Variants in NRG1 observed in about 807,000 individuals in gnomAD.
The protein encoded by NRG1 is neuregulin 1.
In NRG1, 18 loss-of-function variants were observed where a neutral mutation model predicts 63.8. The ratio of observed to expected loss-of-function variants is 0.28; its 90% CI spans 0.19 to 0.42. The LOEUF is 0.42. Ranked by LOEUF, NRG1 falls within the 10% of genes least tolerant of loss-of-function variation. NRG1 has a pLI of 1.00. For missense variants in NRG1, 762 were observed against 814.7 expected (o/e 0.94, Z 0.79); for synonymous variants, 302 against 301.3 (o/e 1.00, Z -0.02).
intron 1 of NRG1, among the ~76,000 whole-genome samples, chr8:31,668,477 C>T (rs919347341): frequency 6.6e-6 from 1 of 152,162 alleles, no homozygotes; most frequent in Non-Finnish European, 1.5e-5. Context: ...TCAAAATGGA[C>T]AGTGTACAAA....
At chr8:32,429,854 A>G (rs1318444341) in intron 1 of NRG1, among the ~76,000 whole-genome samples, 1 of 152,178 alleles carries the variant, frequency 6.6e-6, no homozygotes, top group Non-Finnish European at 1.5e-5. Flanking sequence ...ACTGATAACC[A>G]TGTACATTTT....
chr8:32,331,795 A>G (rs1267859904), intron 1 of NRG1, among the ~76,000 whole-genome samples: 1 of 152,060 alleles, frequency 6.6e-6, no homozygotes, highest in African/African-American at 2.4e-5. Flanking sequence ...CTACAGGGGG[A>G]AGCATGATGA....
chr8:31,648,334 G>A (rs1050423226), intron 1 of NRG1, among the ~76,000 whole-genome samples: 8 of 151,780 alleles, frequency 5.3e-5, no homozygotes, highest in South Asian at 2.1e-4. Flanking sequence ...GGGTTTCACC[G>A]TGTTAGCCAG....
At chr8:32,747,471 G>T (rs1827664037) in intron 7 of NRG1, among the ~76,000 whole-genome samples, 1 of 151,984 alleles carries the variant, frequency 6.6e-6, no homozygotes, top group Non-Finnish European at 1.5e-5. Flanking sequence ...GAAAAAAAAT[G>T]ACCAATTTTT....
Position 32,205,996 on chromosome 8 carries a change from A to T in NRG1, c.38-389832A>T, listed in dbSNP as rs559099974. Among the ~76,000 whole-genome samples, 13 of 152,066 alleles carry T rather than the reference A, an allele frequency of 8.5e-5. No individual in the cohort carries two copies. In the South Asian group the frequency reaches 2.7e-3, roughly 32 times the overall value. ...GGTGATGGATGTCTGTTGTCCAGCTAGTCAGGAGGCTGAGGTGGGAGAATC... is the reference window on the plus strand; with the variant it reads ...GGTGATGGATGTCTGTTGTCCAGCTTGTCAGGAGGCTGAGGTGGGAGAATC... On this transcript the variant is annotated intron_variant, in intron 1 of 10. Coordinates refer to the NRG1 transcript ENST00000519301.
At chr8:32,525,216 C>T (rs935890149) in intron 1 of NRG1, among the ~76,000 whole-genome samples, 34 of 152,220 alleles carry the variant, frequency 2.2e-4, no homozygotes, top group African/African-American at 7.9e-4. Flanking sequence ...GTCCGGTGCC[C>T]ATGAAAAAGA....
chr8:31,934,186 G>T (rs1022741406), intron 1 of NRG1, among the ~76,000 whole-genome samples: 1 of 152,012 alleles, frequency 6.6e-6, no homozygotes, highest in African/African-American at 2.4e-5. Flanking sequence ...AAACTTTTTT[G>T]ATGTATATGT....
At chr8:31,787,709 G>A (rs921452417) in intron 1 of NRG1, among the ~76,000 whole-genome samples, 4 of 152,138 alleles carry the variant, frequency 2.6e-5, no homozygotes, top group African/African-American at 4.8e-5. Context: ...CTGAATGCAT[G>A]TTTGGCAAAT....
rs1180283770 is a variant in NRG1, at chr8:31,952,263, T to A, written c.37+312832T>A. Among the ~76,000 whole-genome samples the A allele has an allele frequency of 2.0e-5, 3 of 152,330 alleles. No homozygotes were observed. The East Asian group carries it at 5.8e-4, about 29-fold the overall frequency. On this transcript the variant is annotated intron_variant, in intron 1 of 10. Coordinates refer to the NRG1 transcript ENST00000519301. ...CTTTTCTGAAATGATGAAGGTGCCA[T>A]GGGGACAGATGGGCGTGTAAAGAAC...
At chr8:32,540,058 A>T (rs1832420174) in intron 1 of NRG1, among the ~76,000 whole-genome samples, 1 of 152,208 alleles carries the variant, frequency 6.6e-6, no homozygotes, top group South Asian at 2.1e-4. Context: ...AAGTAAAGGA[A>T]GGGTCAAAAG....
chr8:31,640,231 A>C lies in NRG1; in HGVS notation c.37+800A>C. The C allele has an allele frequency of 3.5e-6, 4 of 1,156,786 alleles. No homozygotes were observed. The highest frequency in any genetic ancestry group is 3.2e-6 in the Non-Finnish European group (3 of 939,736). 71.7% of individuals were successfully genotyped at this position (1,156,786 alleles called of 1,614,324 possible). ...GCTAGCTCAGCGCGCCGCGGTGGTG[A>C]TCGAGGGAAAGGTGCACCCGCAGCG... is the stretch of plus-strand genomic sequence containing the variant. On this transcript the variant is annotated intron_variant, in intron 1 of 10. Coordinates refer to the NRG1 transcript ENST00000519301. This position sits in a 1 kb window ranked among gnomAD's most constrained non-coding sequence, Gnocchi z 6.3.
At chr8:32,620,031 C>T (rs1848060063) in intron 5 of NRG1, among the ~76,000 whole-genome samples, 1 of 152,086 alleles carries the variant, frequency 6.6e-6, no homozygotes. Flanking sequence ...CAGGGAACGA[C>T]TGTGAGGTAC....
intron 5 of NRG1, among the ~76,000 whole-genome samples, chr8:32,667,047 C>T (rs1392479673): frequency 6.6e-6 from 1 of 152,144 alleles, no homozygotes; most frequent in Admixed American, 6.6e-5. Flanking sequence ...ACCATTTCAT[C>T]GCTGTACGAA....
chr8:32,605,044 C>A (rs1845034433), intron 2 of NRG1, among the ~76,000 whole-genome samples: 2 of 152,066 alleles, frequency 1.3e-5, no homozygotes, highest in South Asian at 4.1e-4. Flanking sequence ...ATTGATAAAT[C>A]CTCTTAATTC....
intron 1 of NRG1, among the ~76,000 whole-genome samples, chr8:31,741,457 A>T (rs1815262141): frequency 6.7e-6 from 1 of 148,978 alleles, no homozygotes; most frequent in African/African-American, 2.4e-5. Flanking sequence ...AGGCCGCAAA[A>T]AAAGAAATAT....
chr8:31,648,782 CATTTT>C (rs1042910802), intron 1 of NRG1, among the ~76,000 whole-genome samples: 10 of 152,120 alleles, frequency 6.6e-5, no homozygotes, highest in Admixed American at 2.0e-4. Flanking sequence ...GTAAATAACA[CATTTT>C]GTTTATTCAT....
At chr8:32,222,042 C>T (rs961519800) in intron 1 of NRG1, among the ~76,000 whole-genome samples, 48 of 145,838 alleles carry the variant, frequency 3.3e-4, no homozygotes, top group African/African-American at 6.4e-4. Flanking sequence ...CATACACACA[C>T]ACACACACAC....
chr8:32,259,237 A>T (rs1406486753), intron 1 of NRG1, among the ~76,000 whole-genome samples: 3 of 152,234 alleles, frequency 2.0e-5, no homozygotes, highest in Admixed American at 2.0e-4. Flanking sequence ...GGTTGAAATA[A>T]AATTGCCATT....
At chr8:31,831,888 T>A (rs1292439979) in intron 1 of NRG1, among the ~76,000 whole-genome samples, 1 of 152,158 alleles carries the variant, frequency 6.6e-6, no homozygotes, top group Non-Finnish European at 1.5e-5. Context: ...AGGAGATGGC[T>A]TGACCTGGGC....
Sources: allele counts gnomAD v4.1 joint callset (sites outside exome capture counted in the v4.1 genomes callset), GRCh38; gene constraint gnomAD v4.1.1; non-coding constraint Gnocchi (gnomAD v3.1); transcripts MANE v1.5; gene names NCBI Gene and HGNC (gene_info 2026-07-23, HGNC 2026-07-21).